Variants in CELF2 observed in about 807,000 individuals in gnomAD.
CELF2 encodes CUG triplet repeat RNA-binding protein 2.
CELF2 carries 8 observed loss-of-function variants against 62.6 expected under a neutral mutation model. The observed-to-expected ratio is 0.13, with a 90% CI of 0.07 to 0.23. CELF2 has a LOEUF of 0.23. Ranked by LOEUF, CELF2 falls within the 10% of genes least tolerant of loss-of-function variation. The pLI, the probability that CELF2 is intolerant of heterozygous loss-of-function variation, is 1.00. For missense variants in CELF2, 333 were observed against 671.0 expected (o/e 0.50, Z 5.56); for synonymous variants, 258 against 250.0 (o/e 1.03, Z -0.30).
At chr10:10,476,626 T>C in the CELF2 span, among the ~76,000 whole-genome samples, 2 of 152,130 alleles carry the variant, frequency 1.3e-5, no homozygotes, top group Non-Finnish European at 2.9e-5. Flanking sequence ...ATGCAAGTTT[T>C]AAAAAAGAAA....
Position 11,242,333 on chromosome 10 carries a change from G to GA in CELF2, c.355-6819dup, listed in dbSNP as rs1216840298. On this transcript the variant is annotated intron_variant, in intron 3 of 12. Transcript: ENST00000633077. This position sits in a 1 kb window ranked among gnomAD's most constrained non-coding sequence, Gnocchi z 4.8. Reference sequence around the variant, plus strand: ...TTCCAACATGAGTTCTCCTGTGTGTGAGGAGCCAGCTGTGCCCCCTGCCCG... The same window carrying GA: ...TTCCAACATGAGTTCTCCTGTGTGTGAAGGAGCCAGCTGTGCCCCCTGCCCG... Among the ~76,000 whole-genome samples the GA allele has an allele frequency of 6.6e-6, 1 of 152,182 alleles. No homozygotes were observed. The highest frequency in any genetic ancestry group is 1.5e-5 in the Non-Finnish European group (1 of 68,030).
At chr10:10,731,529 C>T in the CELF2 span, among the ~76,000 whole-genome samples, 13 of 152,242 alleles carry the variant, frequency 8.5e-5, no homozygotes, top group South Asian at 2.5e-3. Flanking sequence ...AGATAGAAAA[C>T]TTCTCCAGCA....
intron 1 of CELF2, among the ~76,000 whole-genome samples, chr10:11,027,249 G>C (rs780646818): frequency 6.6e-6 from 1 of 152,146 alleles, no homozygotes; most frequent in Non-Finnish European, 1.5e-5. Flanking sequence ...GTGCATTTGG[G>C]ATTCTTCTTT....
At position 11,165,790 on chromosome 10, in the gene CELF2, C is replaced by A; in HGVS notation, c.271+108C>A. ...GAGGAAGGGCGGGTAGGCAGGAGGG[C>A]TGGAAGCAGCCGGTGCTGGCGGCCC... is the stretch of plus-strand genomic sequence containing the variant. On this transcript the variant is annotated intron_variant, in intron 2 of 12. Transcript: ENST00000633077. This position sits in a 1 kb window ranked among gnomAD's most constrained non-coding sequence, Gnocchi z 7.4. 1 of 1,065,976 alleles carries A rather than the reference C, an allele frequency of 9.4e-7. No individual in the cohort carries two copies. Among genetic ancestry groups the A allele is most frequent in the Non-Finnish European group, 1.3e-6 (1 of 758,656 alleles). The allele number at this position is 1,065,976 out of a possible 1,614,324, so 66.0% of individuals were successfully genotyped here. A position where few individuals can be genotyped will look rare whatever the true frequency, so the allele number is the denominator to read the frequency against.
At chr10:10,730,303 C>A in the CELF2 span, among the ~76,000 whole-genome samples, 2 of 152,058 alleles carry the variant, frequency 1.3e-5, no homozygotes, top group African/African-American at 2.4e-5. Flanking sequence ...ATGGTGAAAC[C>A]CTGTCTCTAC....
chr10:10,905,841 G>GT (rs2063295865), intron 1 of CELF2, among the ~76,000 whole-genome samples: 1 of 150,434 alleles, frequency 6.6e-6, no homozygotes, highest in Non-Finnish European at 1.5e-5. Context: ...TCATGCCACT[G>GT]CACTCCAGCC....
chr10:10,476,506 C>T, the CELF2 span, among the ~76,000 whole-genome samples: 1 of 152,098 alleles, frequency 6.6e-6, no homozygotes, highest in Non-Finnish European at 1.5e-5. Flanking sequence ...CTGGCTGGGA[C>T]CCTAACATCT....
Position 11,051,901 on chromosome 10 carries a change from C to CTT in CELF2, c.74+33755_74+33756dup, listed in dbSNP as rs10711238. On this transcript the variant is annotated intron_variant, in intron 1 of 12. Coordinates refer to ENST00000633077, the MANE Select transcript of CELF2 (RefSeq NM_001326342.2). ...TTTGTGTGTGTATGTATTGTTAATA[C>CTT]TTTTTTTTTTTTTTTTTTGGAGACA... Among the ~76,000 whole-genome samples, 593 of 122,464 alleles carry CTT rather than the reference C, an allele frequency of 4.8e-3. 16 individuals carry two copies. The highest frequency in any genetic ancestry group is 0.016 in the African/African-American group (521 of 31,946). 80.3% of individuals were successfully genotyped at this position (122,464 alleles called of 152,430 possible).
Position 11,244,469 on chromosome 10 carries a change from T to G in CELF2, c.355-4684T>G, listed in dbSNP as rs976084418. On this transcript the variant is annotated intron_variant, in intron 3 of 12. Coordinates refer to ENST00000633077, the MANE Select transcript of CELF2 (RefSeq NM_001326342.2). The surrounding 1 kb of genome is among the most constrained non-coding windows in gnomAD (Gnocchi z 4.2). ...GAGATCGAGACCATCGTGGCTAACA[T>G]GGTGAAACCCTGTCTCTGCTAAAAA... 9.9e-5 allele frequency among the ~76,000 whole-genome samples: 15 copies of G among 152,112 alleles called. No homozygotes were observed. The highest frequency in any genetic ancestry group is 7.9e-4 in the Admixed American group (12 of 15,276).
chr10:10,921,691 TG>T (rs1277125909), intron 2 of CELF2, among the ~76,000 whole-genome samples: 2 of 152,036 alleles, frequency 1.3e-5, no homozygotes, highest in African/African-American at 4.8e-5. Context: ...AGGGCACAGA[TG>T]GGATCAGCTT....
the CELF2 span, among the ~76,000 whole-genome samples, chr10:10,487,800 T>C: frequency 3.9e-5 from 6 of 152,180 alleles, no homozygotes; most frequent in Non-Finnish European, 8.8e-5. Context: ...TTAGTAATGG[T>C]GGTCTTTGTG....
chr10:10,474,669 C>G, the CELF2 span, among the ~76,000 whole-genome samples: 2 of 152,048 alleles, frequency 1.3e-5, no homozygotes, highest in Non-Finnish European at 2.9e-5. Context: ...TTAGTCACCC[C>G]CTGCTGTGGG....
At chr10:11,210,063 A>G (rs1177728320) in intron 2 of CELF2, among the ~76,000 whole-genome samples, 1 of 152,210 alleles carries the variant, frequency 6.6e-6, no homozygotes, top group Non-Finnish European at 1.5e-5. Context: ...TCGTCCCTTG[A>G]TCTGTCAGCC....
chr10:11,046,361 G>T lies in CELF2; in HGVS notation c.74+28198G>T, dbSNP rs2062846597. 6.6e-6 allele frequency among the ~76,000 whole-genome samples: 1 copy of T among 152,184 alleles called. No individual in the cohort carries two copies. The highest frequency in any genetic ancestry group is 2.4e-5 in the African/African-American group (1 of 41,444). ...GCCAACTGCTGCTGGATGCAATTTG[G>T]ATCTCCCTAGACGACTTGGCCCAGA... On this transcript the variant is annotated intron_variant, in intron 1 of 12. Transcript: ENST00000633077. This position sits in a 1 kb window ranked among gnomAD's most constrained non-coding sequence, Gnocchi z 4.6.
At chr10:11,084,433 T>G (rs1055936293) in intron 1 of CELF2, among the ~76,000 whole-genome samples, 1 of 152,218 alleles carries the variant, frequency 6.6e-6, no homozygotes, top group African/African-American at 2.4e-5. Context: ...TACAAAATGC[T>G]ACATTAGAGT....
intron 1 of CELF2, among the ~76,000 whole-genome samples, chr10:11,133,811 G>C (rs1305563575): frequency 6.6e-6 from 1 of 152,116 alleles, no homozygotes; most frequent in Non-Finnish European, 1.5e-5. Flanking sequence ...TCTAGTAAAA[G>C]GTACAGCTTC....
intron 1 of CELF2, among the ~76,000 whole-genome samples, chr10:11,087,945 G>A (rs1380205970): frequency 6.6e-6 from 1 of 152,196 alleles, no homozygotes; most frequent in Non-Finnish European, 1.5e-5. Flanking sequence ...ATGATTAACT[G>A]TTTTCCTGCC....
rs983824002 is a variant in CELF2, at chr10:11,302,773, G to A, written c.977-11366G>A. Among the ~76,000 whole-genome samples, 2 of 152,066 alleles carry A rather than the reference G, an allele frequency of 1.3e-5. No individual in the cohort carries two copies. The highest frequency in any genetic ancestry group is 2.4e-5 in the African/African-American group (1 of 41,402). On this transcript the variant is annotated intron_variant, in intron 9 of 12. Transcript: ENST00000633077. This position sits in a 1 kb window ranked among gnomAD's most constrained non-coding sequence, Gnocchi z 5.0. ...GTATTTATGTCGATCCTTTGTTCTC[G>A]GGTCTCTAAATTGACATGAGATTTT...
the CELF2 span, among the ~76,000 whole-genome samples, chr10:10,509,887 A>G: frequency 6.6e-6 from 1 of 152,260 alleles, no homozygotes; most frequent in African/African-American, 2.4e-5. Context: ...TTCCCCATCA[A>G]CAAGCACAAC....
Sources: allele counts gnomAD v4.1 joint callset (sites outside exome capture counted in the v4.1 genomes callset), GRCh38; gene constraint gnomAD v4.1.1; non-coding constraint Gnocchi (gnomAD v3.1); transcripts MANE v1.5; gene names NCBI Gene and HGNC (gene_info 2026-07-23, HGNC 2026-07-21).